The following MAGI3 variants were observed in gnomAD, a reference collection of about 807,000 sequenced individuals.
The protein encoded by MAGI3 is membrane-associated guanylate kinase, WW and PDZ domain-containing protein 3.
In MAGI3, 43 loss-of-function variants were observed where a neutral mutation model predicts 121.8. The observed-to-expected ratio is 0.35, with a 90% CI of 0.28 to 0.46. The LOEUF is 0.46. Ranked by LOEUF, MAGI3 falls within the 20% of genes least tolerant of loss-of-function variation. The probability of loss-of-function intolerance (pLI) is 1.00; values close to 1 mark genes in which losing one functional copy is unlikely to be tolerated. For missense variants in MAGI3, 1,547 were observed against 1,797.3 expected (o/e 0.86, Z 2.52); for synonymous variants, 553 against 639.3 (o/e 0.86, Z 2.04).
At chr1:113,408,527 G>A (rs777523711) in intron 1 of MAGI3, among the ~76,000 whole-genome samples, 3 of 145,258 alleles carry the variant, frequency 2.1e-5, no homozygotes, top group Non-Finnish European at 4.4e-5. Context: ...AGACATGTTT[G>A]TCTTTAAAAG....
intron 2 of MAGI3, chr1:113,576,784 G>A (rs1647676398): frequency 6.6e-6 from 1 of 152,170 alleles, no homozygotes; most frequent in African/African-American, 2.4e-5. Context: ...GTAAAATCTT[G>A]AGTAGCCCTC....
At chr1:113,457,530 C>T (rs1250624875) in intron 1 of MAGI3, among the ~76,000 whole-genome samples, 1 of 151,964 alleles carries the variant, frequency 6.6e-6, no homozygotes, top group African/African-American at 2.4e-5. Context: ...TTGTCCTCAG[C>T]AAGGACTATA....
chr1:113,566,574 A>C (rs1426043847), intron 2 of MAGI3, among the ~76,000 whole-genome samples: 1 of 152,178 alleles, frequency 6.6e-6, no homozygotes, highest in Non-Finnish European at 1.5e-5. Flanking sequence ...AGTCTTAATA[A>C]ATTTAAGATT....
intron 1 of MAGI3, among the ~76,000 whole-genome samples, chr1:113,524,370 G>T (rs534296014): frequency 2.0e-5 from 3 of 151,974 alleles, no homozygotes; most frequent in Non-Finnish European, 4.4e-5. Flanking sequence ...CAGAAAAGCT[G>T]CAGACACTCA....
chr1:113,483,152 C>T (rs1389275241), intron 1 of MAGI3, among the ~76,000 whole-genome samples: 2 of 152,180 alleles, frequency 1.3e-5, no homozygotes, highest in African/African-American at 2.4e-5. Context: ...AAAATTTGAA[C>T]ATGCCTCAAC....
Position 113,391,381 on chromosome 1 carries a change from G to A in MAGI3, c.316+32G>A, listed in dbSNP as rs1269340609. The stretch of plus-strand genomic sequence containing the variant: ...CGGCCCTGCGTATCTGTCTCGGGGT[G>A]TTGGGGAGAGGGGCTTCAGGGTGGG... On this transcript the variant is annotated intron_variant, in intron 1 of 20. Transcript: ENST00000307546. The surrounding 1 kb of genome is among the most constrained non-coding windows in gnomAD (Gnocchi z 4.4). 1 of 1,562,854 alleles carries A rather than the reference G, an allele frequency of 6.4e-7. No homozygotes were observed. The highest frequency in any genetic ancestry group is 1.2e-5 in the South Asian group (1 of 84,750).
chr1:113,511,796 A>G (rs560125322), intron 1 of MAGI3, among the ~76,000 whole-genome samples: 8 of 152,350 alleles, frequency 5.3e-5, no homozygotes, highest in Admixed American at 4.6e-4. Flanking sequence ...TTTCTAAGAT[A>G]GGACATTTAA....
chr1:113,654,028 A>T lies in MAGI3; in HGVS notation c.2629+10A>T. 1 of 1,594,714 alleles carries T rather than the reference A, an allele frequency of 6.3e-7. No individual in the cohort carries two copies. The highest frequency in any genetic ancestry group is 1.7e-5 in the Admixed American group (1 of 57,324). On this transcript the variant is annotated intron_variant, in intron 15 of 20. Transcript: ENST00000307546. The stretch of plus-strand genomic sequence containing the variant: ...AAACCACCTCCAGGAGGTAAGGGCT[A>T]TTGTATCTTATTGTCTCTCCCTGCA...
chr1:113,586,007 T>C (rs1473262521), intron 4 of MAGI3, among the ~76,000 whole-genome samples: 1 of 152,196 alleles, frequency 6.6e-6, no homozygotes, highest in African/African-American at 2.4e-5. Flanking sequence ...ATAAAAATTA[T>C]CTAAAAGGTT....
chr1:113,614,458 A>T, intron 6 of MAGI3, 143 bp from the exon 7 acceptor site: 1 of 675,770 alleles, frequency 1.5e-6, no homozygotes, highest in Non-Finnish European at 2.6e-6. Flanking sequence ...ACTCAGACTT[A>T]AATTGTGTTT....
At chr1:113,445,741 G>A (rs1030907745) in intron 1 of MAGI3, among the ~76,000 whole-genome samples, 4 of 152,140 alleles carry the variant, frequency 2.6e-5, no homozygotes, top group African/African-American at 9.7e-5. Context: ...CTGTCGGCTG[G>A]CATATTCAAA....
At chr1:113,598,240 AACTC>A (rs1360456212) in intron 6 of MAGI3, among the ~76,000 whole-genome samples, 1 of 151,724 alleles carries the variant, frequency 6.6e-6, no homozygotes, top group Non-Finnish European at 1.5e-5. Context: ...TCCAAAAAAA[AACTC>A]ACAGGACCTA....
At chr1:113,472,279 T>A (rs1655578600) in intron 1 of MAGI3, among the ~76,000 whole-genome samples, 1 of 151,252 alleles carries the variant, frequency 6.6e-6, no homozygotes, top group South Asian at 2.1e-4. Context: ...CTCGGCTCAC[T>A]GCAAGCTCCG....
intron 2 of MAGI3, among the ~76,000 whole-genome samples, chr1:113,570,049 A>G (rs1269238137): frequency 2.0e-5 from 3 of 151,446 alleles, no homozygotes; most frequent in African/African-American, 7.3e-5. Context: ...CTTGCCCCCC[A>G]CACCCCGACA....
chr1:113,433,694 C>T (rs1398721022), intron 1 of MAGI3, among the ~76,000 whole-genome samples: 1 of 152,064 alleles, frequency 6.6e-6, no homozygotes, highest in Non-Finnish European at 1.5e-5. Context: ...AAAATACAAA[C>T]TCATAGATAA....
At chr1:113,435,773 T>C (rs1475717706) in intron 1 of MAGI3, among the ~76,000 whole-genome samples, 6 of 152,014 alleles carry the variant, frequency 3.9e-5, no homozygotes, top group Non-Finnish European at 8.8e-5. Context: ...ATAAATCAGG[T>C]GGAAAAAGGG....
At chr1:113,680,150 TACAGGAC>T (rs1215354132) in intron 19 of MAGI3, among the ~76,000 whole-genome samples, 1 of 152,240 alleles carries the variant, frequency 6.6e-6, no homozygotes, top group Non-Finnish European at 1.5e-5. Flanking sequence ...CTCATGTATG[TACAGGAC>T]ATAGCAGCAG....
At chr1:113,537,173 G>A (rs1570819066) in intron 1 of MAGI3, among the ~76,000 whole-genome samples, 1 of 152,128 alleles carries the variant, frequency 6.6e-6, no homozygotes, top group Non-Finnish European at 1.5e-5. Context: ...TGCATTGGTA[G>A]TAGTGGGTAA....
chr1:113,667,085 C>T (rs1482352346), intron 16 of MAGI3, among the ~76,000 whole-genome samples: 1 of 152,152 alleles, frequency 6.6e-6, no homozygotes, highest in Non-Finnish European at 1.5e-5. Flanking sequence ...GTAGATTTAG[C>T]ATAATTCTTA....
Sources: gnomAD v4.1 joint callset for allele counts (sites outside exome capture counted in the v4.1 genomes callset) on GRCh38, gnomAD v4.1.1 for gene constraint, Gnocchi (gnomAD v3.1) non-coding constraint, MANE v1.5 for transcripts, NCBI Gene and HGNC (gene_info 2026-07-23, HGNC 2026-07-21) for gene names.